Variants in MEGF11 observed in about 807,000 individuals in gnomAD.
MEGF11 encodes multiple EGF like domains 11.
MEGF11 carries 126 observed loss-of-function variants against 146.6 expected under a neutral mutation model. That is an observed-to-expected ratio of 0.86 (90% confidence interval 0.74 to 1.00). The LOEUF is 1.00. Among genes scored for constraint, MEGF11 ranks in the 50% least tolerant of loss-of-function variants. The pLI, the probability that MEGF11 is intolerant of heterozygous loss-of-function variation, is 0.00. For missense variants in MEGF11, 1,509 were observed against 1,521.2 expected (o/e 0.99, Z 0.13); for synonymous variants, 532 against 583.4 (o/e 0.91, Z 1.27).
chr15:66,119,419 T>C (rs2087906190), intron 3 of MEGF11, among the ~76,000 whole-genome samples: 1 of 152,204 alleles, frequency 6.6e-6, no homozygotes, highest in African/African-American at 2.4e-5. Context: ...TTTTCCCCAG[T>C]CACTTCTAAA....
chr15:65,992,757 T>C (rs553942008), intron 5 of MEGF11, among the ~76,000 whole-genome samples: 1 of 152,114 alleles, frequency 6.6e-6, no homozygotes, highest in African/African-American at 2.4e-5. Flanking sequence ...GTGAGAGACT[T>C]TGCAGGTATG....
chr15:66,069,729 T>C (rs763835056), intron 5 of MEGF11, among the ~76,000 whole-genome samples: 9 of 152,206 alleles, frequency 5.9e-5, no homozygotes, highest in Non-Finnish European at 1.3e-4. Flanking sequence ...ATATTTTCCA[T>C]AGAAAAACAC....
chr15:65,969,029 C>A (rs931742164), intron 8 of MEGF11, among the ~76,000 whole-genome samples: 1 of 152,190 alleles, frequency 6.6e-6, no homozygotes, highest in African/African-American at 2.4e-5. Flanking sequence ...ATTGAACCCT[C>A]CTGTGGTTGA....
At chr15:66,133,578 C>T (rs922647300) in intron 1 of MEGF11, among the ~76,000 whole-genome samples, 60 of 152,208 alleles carry the variant, frequency 3.9e-4, no homozygotes, top group African/African-American at 1.4e-3. Flanking sequence ...TTCCTCTGCC[C>T]TGGCTCTCTC....
chr15:66,207,327 A>G (rs1402424488), intron 1 of MEGF11, among the ~76,000 whole-genome samples: 1 of 152,254 alleles, frequency 6.6e-6, no homozygotes, highest in Non-Finnish European at 1.5e-5. Context: ...TTCGTCCTGT[A>G]CAATGAAACT....
At chr15:66,037,642 G>C (rs1055412218) in intron 5 of MEGF11, among the ~76,000 whole-genome samples, 3 of 152,250 alleles carry the variant, frequency 2.0e-5, no homozygotes, top group Non-Finnish European at 4.4e-5. Context: ...AAGAAGCTCT[G>C]AAACTCAATT....
At chr15:65,917,941 GCA>G (rs1311586386) in intron 16 of MEGF11, 23 bp downstream of exon 16, 11 of 1,613,654 alleles carry the variant, frequency 6.8e-6, no homozygotes, top group Admixed American at 6.7e-5. Flanking sequence ...CCAGGTAGGG[GCA>G]TTCCCAGGTG....
At chr15:66,153,540 T>A (rs2089644918) in intron 1 of MEGF11, among the ~76,000 whole-genome samples, 1 of 151,690 alleles carries the variant, frequency 6.6e-6, no homozygotes, top group Non-Finnish European at 1.5e-5. Context: ...GCCACTGCAC[T>A]CCAACCTGGG....
Position 66,168,261 on chromosome 15 carries a change from C to T in MEGF11, c.-8-39850G>A, listed in dbSNP as rs571415423. Among the ~76,000 whole-genome samples, 10 of 152,134 alleles carry T rather than the reference C, an allele frequency of 6.6e-5. No homozygotes were observed. The South Asian group carries it at 2.1e-3, about 32-fold the overall frequency. On this transcript the variant is annotated intron_variant, in intron 1 of 25. Coordinates refer to ENST00000395614, the MANE Select transcript of MEGF11 (RefSeq NM_001385028.1). ...CTTCCCTCTGCCTGGAATGTTTTTG[C>T]CTTAACTCCCTTGTCTTGGTAACTG...
intron 1 of MEGF11, among the ~76,000 whole-genome samples, chr15:66,193,644 T>A (rs1302388067): frequency 6.6e-6 from 1 of 152,142 alleles, no homozygotes; most frequent in Non-Finnish European, 1.5e-5. Flanking sequence ...TGACTTTGTA[T>A]ACGTGGGTTC....
chr15:65,955,814 A>ACACACACAC (rs1290763810), intron 10 of MEGF11, among the ~76,000 whole-genome samples: 2 of 95,000 alleles, frequency 2.1e-5, no homozygotes, highest in Non-Finnish European at 4.1e-5. Context: ...ACACACACAC[A>ACACACACAC]ATACTTTAAA....
chr15:66,127,179 G>T (rs1367970940), intron 2 of MEGF11, among the ~76,000 whole-genome samples: 1 of 152,220 alleles, frequency 6.6e-6, no homozygotes, highest in Non-Finnish European at 1.5e-5. Flanking sequence ...CTTAGAGGTG[G>T]AAAAATCCAG....
intron 23 of MEGF11, among the ~76,000 whole-genome samples, chr15:65,907,461 A>T (rs1213677579): frequency 1.3e-5 from 2 of 151,714 alleles, no homozygotes; most frequent in Non-Finnish European, 2.9e-5. Context: ...CTCCCAGCTA[A>T]TTTTTTTGTA....
intron 23 of MEGF11, 92 bp from the exon 24 acceptor site, chr15:65,906,233 C>A (rs1280670508): frequency 5.8e-6 from 5 of 863,002 alleles, no homozygotes; most frequent in African/African-American, 1.7e-5. Context: ...CTTTTCCCCC[C>A]CCTTCTCCCC....
At chr15:66,032,190 A>G (rs1382906762) in intron 5 of MEGF11, among the ~76,000 whole-genome samples, 1 of 152,212 alleles carries the variant, frequency 6.6e-6, no homozygotes, top group Non-Finnish European at 1.5e-5. Context: ...GCTTTACCAC[A>G]TGTCTGTGCC....
At chr15:66,114,610 T>C (rs1288933177) in intron 4 of MEGF11, among the ~76,000 whole-genome samples, 7 of 152,122 alleles carry the variant, frequency 4.6e-5, no homozygotes, top group Non-Finnish European at 1.0e-4. Flanking sequence ...GAGGCAAAAA[T>C]GCCTCTGTCC....
At chr15:66,005,274 G>A (rs1412919556) in intron 5 of MEGF11, among the ~76,000 whole-genome samples, 5 of 152,150 alleles carry the variant, frequency 3.3e-5, no homozygotes, top group Non-Finnish European at 7.3e-5. Flanking sequence ...AGAACTGGGA[G>A]CCAGAAGCTC....
chr15:65,929,975 C>T (rs2079515978), intron 11 of MEGF11, 92 bp from the exon 12 acceptor site: 3 of 1,243,186 alleles, frequency 2.4e-6, no homozygotes, highest in Non-Finnish European at 3.3e-6. Context: ...AGCATTCCAC[C>T]CAAACCACTG....
intron 24 of MEGF11, among the ~76,000 whole-genome samples, chr15:65,903,442 A>G (rs1335017983): frequency 6.6e-6 from 1 of 152,202 alleles, no homozygotes; most frequent in Non-Finnish European, 1.5e-5. Flanking sequence ...TTCTTCAGTA[A>G]GTAACAGGGG....
Sources: allele counts gnomAD v4.1 joint callset (sites outside exome capture counted in the v4.1 genomes callset), GRCh38; gene constraint gnomAD v4.1.1; transcripts MANE v1.5; gene names NCBI Gene and HGNC (gene_info 2026-07-23, HGNC 2026-07-21).